Variants in SIPA1L3 observed in about 807,000 individuals in gnomAD.
SIPA1L3 encodes signal induced proliferation associated 1 like 3.
Under a neutral mutation model 150.1 loss-of-function variants are expected in SIPA1L3, and 59 were observed. That is an observed-to-expected ratio of 0.39 (90% CI 0.32 to 0.49). SIPA1L3 has a LOEUF of 0.49. Among genes scored for constraint, SIPA1L3 ranks in the 20% least tolerant of loss-of-function variants. The pLI, the probability that SIPA1L3 is intolerant of heterozygous loss-of-function variation, is 0.86. For synonymous variants in SIPA1L3, 1,070 were observed against 1,077.6 expected (o/e 0.99, Z 0.14); for missense variants, 2,211 against 2,489.5 (o/e 0.89, Z 2.38).
intron 1 of SIPA1L3, among the ~76,000 whole-genome samples, chr19:37,983,571 G>A (rs1967255653): frequency 6.6e-6 from 1 of 152,098 alleles, no homozygotes; most frequent in Non-Finnish European, 1.5e-5. Context: ...GGGAGATGTT[G>A]TTCACCTTGT....
intron 2 of SIPA1L3, among the ~76,000 whole-genome samples, chr19:38,062,320 A>T (rs1969463294): frequency 6.6e-6 from 1 of 152,124 alleles, no homozygotes; most frequent in African/African-American, 2.4e-5. Context: ...AGTGGTTTTA[A>T]TGGCCATAGA....
At chr19:38,052,515 T>C (rs750669259) in intron 2 of SIPA1L3, among the ~76,000 whole-genome samples, 111 of 152,342 alleles carry the variant, frequency 7.3e-4, no homozygotes, top group Non-Finnish European at 1.2e-3. Flanking sequence ...CCACTGCCCC[T>C]GTTGGCTGAG....
intron 1 of SIPA1L3, chr19:37,932,751 C>T (rs1041271343): frequency 1.3e-5 from 2 of 152,330 alleles, no homozygotes; most frequent in Non-Finnish European, 2.9e-5. Context: ...CATGTTTCTT[C>T]CTCTCCGGAG....
At chr19:37,975,807 T>C (rs1445985701) in intron 1 of SIPA1L3, among the ~76,000 whole-genome samples, 1 of 151,868 alleles carries the variant, frequency 6.6e-6, no homozygotes, top group African/African-American at 2.4e-5. Context: ...CAGGAGGCAT[T>C]CAGAAATGGG....
At chr19:38,091,379 C>T (rs1193389615) in intron 4 of SIPA1L3, among the ~76,000 whole-genome samples, 1 of 151,962 alleles carries the variant, frequency 6.6e-6, no homozygotes, top group East Asian at 1.9e-4. Context: ...CAGTGAGACT[C>T]GGTCTCAAAA....
At chr19:38,107,138 C>T (rs1157586124) in intron 7 of SIPA1L3, among the ~76,000 whole-genome samples, 1 of 152,222 alleles carries the variant, frequency 6.6e-6, no homozygotes, top group East Asian at 1.9e-4. Flanking sequence ...AGGTGCAAAG[C>T]AAAGATACCT....
At chr19:38,067,552 C>T (rs1268849033) in intron 2 of SIPA1L3, among the ~76,000 whole-genome samples, 1 of 152,072 alleles carries the variant, frequency 6.6e-6, no homozygotes, top group East Asian at 1.9e-4. Flanking sequence ...AACCTGAGGT[C>T]AGGAGTTCAA....
chr19:38,113,580 G>A (rs1970815361), intron 8 of SIPA1L3, among the ~76,000 whole-genome samples: 1 of 151,900 alleles, frequency 6.6e-6, no homozygotes, highest in Non-Finnish European at 1.5e-5. Flanking sequence ...TTGCACTCCA[G>A]CCTGGGTGAC....
At chr19:37,933,852 T>C (rs1292516861) in intron 1 of SIPA1L3, among the ~76,000 whole-genome samples, 1 of 152,046 alleles carries the variant, frequency 6.6e-6, no homozygotes, top group Non-Finnish European at 1.5e-5. Context: ...GCCTAGTAAG[T>C]GGAGAGGATG....
At chr19:38,045,497 G>A (rs1969035009) in intron 2 of SIPA1L3, among the ~76,000 whole-genome samples, 2 of 151,920 alleles carry the variant, frequency 1.3e-5, no homozygotes, top group Admixed American at 6.6e-5. Context: ...GCTTGAGCCC[G>A]GGGGGTCGAG....
chr19:38,090,142 C>T (rs1359763771), intron 4 of SIPA1L3, among the ~76,000 whole-genome samples: 3 of 151,880 alleles, frequency 2.0e-5, no homozygotes, highest in Non-Finnish European at 2.9e-5. Flanking sequence ...CCAGCCTGGC[C>T]AACATGGTAA....
chr19:37,921,854 C>T (rs55974157), intron 1 of SIPA1L3, among the ~76,000 whole-genome samples: 38,136 of 152,102 alleles, frequency 0.25, 5,944 homozygotes, highest in Non-Finnish European at 0.36. Context: ...CCTCTTGCCT[C>T]AGCCTCCCAA....
chr19:38,157,133 C>A lies in SIPA1L3; in HGVS notation c.3661+4166C>A, dbSNP rs1971967397. 2.0e-5 allele frequency among the ~76,000 whole-genome samples: 3 copies of A among 152,122 alleles called. No homozygotes were observed. The South Asian group carries it at 6.2e-4, about 32-fold the overall frequency. ...AAGCCATGATCCACTACACTCCAGC[C>A]TGGCCGACAGAGCAACACCTGTCTC... On this transcript the variant is annotated intron_variant, in intron 13 of 21. Transcript: ENST00000222345.
chr19:37,909,964 G>T (rs1450026101), intron 1 of SIPA1L3, among the ~76,000 whole-genome samples: 1 of 116,106 alleles, frequency 8.6e-6, no homozygotes, highest in Admixed American at 1.0e-4. Context: ...AAGAAGTAAA[G>T]CAGTGGCTTA....
intron 1 of SIPA1L3, among the ~76,000 whole-genome samples, chr19:37,911,760 A>G (rs2046379749): frequency 6.6e-6 from 1 of 151,630 alleles, no homozygotes; most frequent in South Asian, 2.1e-4. Flanking sequence ...CAGCCTCCCA[A>G]AGTGCTGGGA....
intron 10 of SIPA1L3, among the ~76,000 whole-genome samples, chr19:38,133,510 A>G (rs1390613443): frequency 6.6e-6 from 1 of 152,152 alleles, no homozygotes; most frequent in Non-Finnish European, 1.5e-5. Flanking sequence ...AATGAGAGAG[A>G]CGCACCATGT....
intron 1 of SIPA1L3, among the ~76,000 whole-genome samples, chr19:37,981,541 G>A (rs1967202955): frequency 6.6e-6 from 1 of 151,908 alleles, no homozygotes; most frequent in Non-Finnish European, 1.5e-5. Flanking sequence ...TTTGTCACTT[G>A]CAAATGAAAG....
intron 18 of SIPA1L3, among the ~76,000 whole-genome samples, chr19:38,197,239 C>T (rs148670302): frequency 1.8e-3 from 276 of 152,226 alleles, no homozygotes; most frequent in African/African-American, 6.1e-3. Flanking sequence ...TCTGCCGATT[C>T]CCAGCTAAGG....
intron 9 of SIPA1L3, among the ~76,000 whole-genome samples, chr19:38,126,944 G>A (rs923220482): frequency 3.3e-5 from 5 of 151,926 alleles, no homozygotes; most frequent in Admixed American, 1.3e-4. Flanking sequence ...TGTAATCCCA[G>A]CACTTTGGGA....
Sources: allele counts gnomAD v4.1 joint callset (sites outside exome capture counted in the v4.1 genomes callset), GRCh38; gene constraint gnomAD v4.1.1; transcripts MANE v1.5; gene names NCBI Gene and HGNC (gene_info 2026-07-23, HGNC 2026-07-21).